NCOA6: variants seen among roughly 807,000 people sequenced by gnomAD.
NCOA6 encodes nuclear receptor coactivator 6, also known as NRC RAP250.
In NCOA6, 49 loss-of-function variants were observed where a neutral mutation model predicts 171.4. The ratio of observed to expected loss-of-function variants is 0.29; its 90% CI spans 0.23 to 0.36. NCOA6 has a LOEUF of 0.36. Ranked by LOEUF, NCOA6 falls within the 10% of genes least tolerant of loss-of-function variation. NCOA6 has a pLI of 1.00. For synonymous variants in NCOA6, 910 were observed against 927.5 expected, an observed-to-expected ratio of 0.98 and a Z score of 0.34; for missense variants, 2,248 against 2,554.5, an observed-to-expected ratio of 0.88 and a Z score of 2.59.
At chr20:34,821,165 G>C (rs566866040) in intron 1 of NCOA6, 1 of 152,178 alleles carries the variant, frequency 6.6e-6, no homozygotes, top group Non-Finnish European at 1.5e-5. Flanking sequence ...CATAGATCAG[G>C]GGTTGGCAAA....
At chr20:34,732,456 G>A (rs2075816693) in intron 13 of NCOA6, 103 bp downstream of exon 13, 3 of 1,139,366 alleles carry the variant, frequency 2.6e-6, no homozygotes, top group South Asian at 2.9e-5. Flanking sequence ...AAGAGTGAAG[G>A]AAAAGGACAA....
chr20:34,766,463 C>T (rs2076985556), intron 5 of NCOA6, among the ~76,000 whole-genome samples: 1 of 151,844 alleles, frequency 6.6e-6, no homozygotes, highest in African/African-American at 2.4e-5. Flanking sequence ...AAAAACAATA[C>T]AAAACAAAAC....
chr20:34,809,452 C>T, intron 1 of NCOA6: 1 of 398,494 alleles, frequency 2.5e-6, no homozygotes, highest in Non-Finnish European at 4.4e-6. Flanking sequence ...AATCAACAGA[C>T]CTGCTTAAGA....
intron 5 of NCOA6, among the ~76,000 whole-genome samples, chr20:34,761,816 T>G (rs2076827748): frequency 6.6e-6 from 1 of 152,006 alleles, no homozygotes; most frequent in African/African-American, 2.4e-5. Flanking sequence ...CCACCATGCC[T>G]GGCTAATTTT....
intron 2 of NCOA6, among the ~76,000 whole-genome samples, chr20:34,782,789 C>A (rs1448955139): frequency 6.6e-6 from 1 of 152,156 alleles, no homozygotes; most frequent in African/African-American, 2.4e-5. Flanking sequence ...TCTGTCTTGA[C>A]AAAAGCTTAA....
Position 34,730,091 on chromosome 20 carries a change from AG to A in NCOA6, c.5999+2467del, listed in dbSNP as rs377015497. On this transcript the variant is annotated intron_variant, in intron 13 of 14. Coordinates refer to ENST00000359003, the MANE Select transcript of NCOA6 (RefSeq NM_014071.5). ...AAAATTTTTGTTTTTTTTTTGAGACAGGATGTCACTCTGTCCCCCAGGCTGG... is the reference window on the plus strand; with the variant it reads ...AAAATTTTTGTTTTTTTTTTGAGACAGATGTCACTCTGTCCCCCAGGCTGG... Among the ~76,000 whole-genome samples, 107 of 151,550 alleles carry A rather than the reference AG, an allele frequency of 7.1e-4. 2 individuals are homozygous for A. The highest frequency in any genetic ancestry group is 2.3e-3 in the African/African-American group (95 of 41,290).
rs140310746 is a variant in NCOA6, at chr20:34,791,000, C to T, written c.-50+1450G>A. ...AAGTAAATTCACAGAGACAGACAGACGGATTAGTGGTTGTGAGCGGGAGGT... is the reference window on the plus strand; with the variant it reads ...AAGTAAATTCACAGAGACAGACAGATGGATTAGTGGTTGTGAGCGGGAGGT... On this transcript the variant is annotated intron_variant, in intron 2 of 14. Transcript: ENST00000359003. Among the ~76,000 whole-genome samples the T allele has an allele frequency of 3.9e-5, 6 of 152,090 alleles. No individual in the cohort carries two copies. In the East Asian group the frequency reaches 7.7e-4, roughly 20 times the overall value.
intron 2 of NCOA6, among the ~76,000 whole-genome samples, chr20:34,791,064 G>A (rs1343275322): frequency 1.3e-5 from 2 of 152,174 alleles, no homozygotes; most frequent in African/African-American, 2.4e-5. Flanking sequence ...TGGTTATGAA[G>A]TTTCATTTTG....
At chr20:34,818,702 A>G (rs1195813776) in intron 1 of NCOA6, among the ~76,000 whole-genome samples, 1 of 152,030 alleles carries the variant, frequency 6.6e-6, no homozygotes, top group East Asian at 1.9e-4. Context: ...ACCATTCTCT[A>G]GTATCCCAGC....
intron 1 of NCOA6, among the ~76,000 whole-genome samples, chr20:34,824,965 C>T (rs1043315890): frequency 5.9e-5 from 9 of 152,256 alleles, no homozygotes; most frequent in African/African-American, 1.7e-4. Context: ...CCCCAATCCC[C>T]AGGTCCTACC....
intron 2 of NCOA6, among the ~76,000 whole-genome samples, chr20:34,789,711 G>A (rs1185563599): frequency 1.3e-5 from 2 of 152,120 alleles, no homozygotes; most frequent in Non-Finnish European, 2.9e-5. Context: ...GGGAGTGAGG[G>A]GAAGGGTGGA....
chr20:34,757,971 C>T lies in NCOA6; in HGVS notation c.777G>A (p.Gln259=). 6.2e-7 allele frequency: 1 copy of T among 1,613,806 alleles called. No individual in the cohort carries two copies. Among genetic ancestry groups the T allele is most frequent in the Non-Finnish European group, 8.5e-7 (1 of 1,179,888 alleles). Reference sequence around the variant, plus strand: ...GTTGTTGTTGCTGCTGCTGCTGCAGCTGGGGAAAATTAGCTGGGTTCATTT... The same window carrying T: ...GTTGTTGTTGCTGCTGCTGCTGCAGTTGGGGAAAATTAGCTGGGTTCATTT... ...NRQMNPANFP[Q]LQQQQQQQQQ... Residue 259 remains glutamine, a synonymous_variant, in exon 7 of 15, where the codon CAG becomes CAA. Transcript: ENST00000359003.
intron 14 of NCOA6, among the ~76,000 whole-genome samples, chr20:34,721,156 C>A (rs1348213964): frequency 1.4e-5 from 2 of 140,132 alleles, no homozygotes; most frequent in African/African-American, 2.7e-5. Flanking sequence ...ATGGCCAACT[C>A]TTTTATCAAT....
intron 2 of NCOA6, among the ~76,000 whole-genome samples, chr20:34,786,599 T>C (rs6141513): frequency 0.32 from 48,731 of 152,090 alleles, 9,795 homozygotes; most frequent in East Asian, 0.55. Context: ...AATTTCATTA[T>C]TTACCCAAAA....
chr20:34,790,259 C>T (rs570628498), intron 2 of NCOA6, among the ~76,000 whole-genome samples: 6 of 152,036 alleles, frequency 3.9e-5, no homozygotes, highest in East Asian at 3.9e-4. Flanking sequence ...CATGCTACAA[C>T]GGAGATAAAC....
intron 2 of NCOA6, among the ~76,000 whole-genome samples, chr20:34,790,097 A>T (rs2077823093): frequency 6.6e-6 from 1 of 151,390 alleles, no homozygotes; most frequent in Non-Finnish European, 1.5e-5. Flanking sequence ...AAAAATTAAG[A>T]ATAACTCTAA....
chr20:34,742,739 G>A lies in NCOA6; in HGVS notation c.3517C>T (p.Leu1173Phe). The A allele has an allele frequency of 6.2e-7, 1 of 1,614,158 alleles. No individual in the cohort carries two copies. Among genetic ancestry groups the A allele is most frequent in the Non-Finnish European group, 8.5e-7 (1 of 1,180,022 alleles). ...MTGPKPGPSP[L>F]SATQGATPQQ... Reference sequence around the variant, plus strand: ...GGAGTTGCACCTTGAGTTGCTGAAAGGGGCGATGGTCCAGGTTTTGGCCCT... The same window carrying A: ...GGAGTTGCACCTTGAGTTGCTGAAAAGGGCGATGGTCCAGGTTTTGGCCCT... The change falls in exon 11 of 15, where the codon CTT (leucine) becomes TTT (phenylalanine). Residue 1173 changes from leucine to phenylalanine, a missense_variant. Around this residue, in one of 7 missense-constraint regions of NCOA6, gnomAD observed 352 missense variants for 419.1 expected, o/e 0.84. Coordinates refer to ENST00000359003, the MANE Select transcript of NCOA6 (RefSeq NM_014071.5).
chr20:34,755,286 A>G (rs2076609742), intron 7 of NCOA6, among the ~76,000 whole-genome samples: 1 of 152,236 alleles, frequency 6.6e-6, no homozygotes, highest in South Asian at 2.1e-4. Flanking sequence ...GTGAAATAGT[A>G]TAAAACAAAG....
chr20:34,805,669 G>A (rs563561637), intron 1 of NCOA6, among the ~76,000 whole-genome samples: 36 of 151,348 alleles, frequency 2.4e-4, no homozygotes, highest in African/African-American at 8.7e-4. Context: ...GGATCATATG[G>A]TAGTTCTCTT....
Sources: allele counts gnomAD v4.1 joint callset (sites outside exome capture counted in the v4.1 genomes callset), GRCh38; gene constraint gnomAD v4.1.1; regional missense constraint gnomAD v4.1.1; transcripts MANE v1.5; gene names NCBI Gene and HGNC (gene_info 2026-07-23, HGNC 2026-07-21).